Variants in SEPTIN7 observed in about 807,000 individuals in gnomAD.
SEPTIN7 encodes septin-7.
In SEPTIN7, 10 loss-of-function variants were observed where a neutral mutation model predicts 63.3. The observed-to-expected ratio is 0.16, with a 90% CI of 0.10 to 0.27. SEPTIN7 has a LOEUF of 0.27. SEPTIN7 is among the 10% of genes least tolerant of loss of function. The pLI, the probability that SEPTIN7 is intolerant of heterozygous loss-of-function variation, is 1.00. For synonymous variants in SEPTIN7, 131 were observed against 165.3 expected, an observed-to-expected ratio of 0.79 and a Z score of 1.59; for missense variants, 310 against 521.0, an observed-to-expected ratio of 0.59 and a Z score of 3.94.
chr7:35,832,481 G>A (rs1783879922), intron 2 of SEPTIN7, among the ~76,000 whole-genome samples: 1 of 151,918 alleles, frequency 6.6e-6, no homozygotes, highest in Non-Finnish European at 1.5e-5. Context: ...TTGTTATTTT[G>A]CTTTTTTAGT....
intron 3 of SEPTIN7, among the ~76,000 whole-genome samples, chr7:35,835,969 A>G (rs575748185): frequency 6.6e-6 from 1 of 152,264 alleles, no homozygotes; most frequent in African/African-American, 2.4e-5. Context: ...TGCTTTATGG[A>G]TGATATAAGG....
At position 35,891,208 on chromosome 7, in the gene SEPTIN7, G is replaced by A. The variant is rs377508299; in HGVS notation, c.998+415G>A. Reference sequence around the variant, plus strand: ...GCTGTGGTGGTTTCATGTTGGGTTCGAAAAAAGAGATGTGTGAGGAAGCTG... The same window carrying A: ...GCTGTGGTGGTTTCATGTTGGGTTCAAAAAAAGAGATGTGTGAGGAAGCTG... On this transcript the variant is annotated intron_variant, in intron 11 of 13. Coordinates refer to ENST00000350320, the MANE Select transcript of SEPTIN7 (RefSeq NM_001788.6). Among the ~76,000 whole-genome samples, 125 of 152,170 alleles carry A rather than the reference G, an allele frequency of 8.2e-4. 2 individuals carry two copies. In the South Asian group the frequency reaches 0.019, roughly 23 times the overall value.
chr7:35,831,517 A>G (rs570309033), intron 2 of SEPTIN7, 21 bp downstream of exon 2: 14 of 446,430 alleles, frequency 3.1e-5, no homozygotes, highest in South Asian at 2.3e-4. Context: ...TACATAATTT[A>G]TAGAGTTTTT....
intron 12 of SEPTIN7, chr7:35,899,922 T>C (rs1788210607): frequency 6.6e-6 from 1 of 152,156 alleles, no homozygotes; most frequent in Non-Finnish European, 1.5e-5. Context: ...GACAGTAATA[T>C]AAAATAGTTT....
intron 11 of SEPTIN7, among the ~76,000 whole-genome samples, chr7:35,895,054 C>A (rs1243535683): frequency 6.6e-6 from 1 of 152,040 alleles, no homozygotes; most frequent in African/African-American, 2.4e-5. Context: ...AGGCTTTCTT[C>A]ATTTCTTTGT....
intron 3 of SEPTIN7, among the ~76,000 whole-genome samples, chr7:35,854,575 T>C (rs1429554372): frequency 6.6e-6 from 1 of 152,200 alleles, no homozygotes; most frequent in Admixed American, 6.5e-5. Flanking sequence ...AGTACAGCTG[T>C]CTGGAGCTGT....
chr7:35,819,129 A>T (rs1789259870), intron 1 of SEPTIN7, among the ~76,000 whole-genome samples: 1 of 152,044 alleles, frequency 6.6e-6, no homozygotes, highest in South Asian at 2.1e-4. Context: ...TGCATTCAAT[A>T]CATTTTGGTA....
intron 7 of SEPTIN7, 65 bp from the exon 8 acceptor site, chr7:35,882,419 T>C: frequency 8.3e-7 from 1 of 1,206,600 alleles, no homozygotes; most frequent in Non-Finnish European, 1.1e-6. Flanking sequence ...AGGCATGTAA[T>C]GAACATAAGA....
At chr7:35,816,208 CT>C (rs1789049894) in intron 1 of SEPTIN7, among the ~76,000 whole-genome samples, 1 of 152,156 alleles carries the variant, frequency 6.6e-6, no homozygotes, top group African/African-American at 2.4e-5. Context: ...CCAAATGAAA[CT>C]TTGCAGCCAT....
Position 35,884,625 on chromosome 7 carries a change from C to T in SEPTIN7, c.820+638C>T, listed in dbSNP as rs528816685. Among the ~76,000 whole-genome samples the T allele has an allele frequency of 3.2e-4, 49 of 152,282 alleles. No individual in the cohort carries two copies. The Middle Eastern group carries it at 0.014, about 42-fold the overall frequency. The stretch of plus-strand genomic sequence containing the variant: ...AGGCCAGTCACTTTTATCGGAACGT[C>T]AGATGGTCATGGACCCTCAAGAATG... On this transcript the variant is annotated intron_variant, in intron 9 of 13. Transcript: ENST00000350320.
rs138462026 is a variant in SEPTIN7, at chr7:35,812,895, G to A, written c.61+11625G>A. On this transcript the variant is annotated intron_variant, in intron 1 of 13. Coordinates refer to ENST00000350320, the MANE Select transcript of SEPTIN7 (RefSeq NM_001788.6). ...AAAATATTATTTCTTGGGCTCTATC[G>A]GCAAGATTCTAATTCCCTACTTCTA... is the stretch of plus-strand genomic sequence containing the variant. Among the ~76,000 whole-genome samples the A allele has an allele frequency of 2.6e-5, 4 of 152,012 alleles. No homozygotes were observed. In the South Asian group the frequency reaches 6.2e-4, roughly 24 times the overall value.
chr7:35,867,617 C>T (rs184248996), intron 4 of SEPTIN7, among the ~76,000 whole-genome samples: 2,543 of 149,976 alleles, frequency 0.017, 31 homozygotes, highest in Non-Finnish European at 0.025. Flanking sequence ...CCCAAAGTGC[C>T]GGGATTACAG....
intron 11 of SEPTIN7, among the ~76,000 whole-genome samples, chr7:35,892,894 T>C (rs1305021979): frequency 1.3e-5 from 2 of 152,188 alleles, no homozygotes; most frequent in Non-Finnish European, 2.9e-5. Flanking sequence ...GGAGCTAGCA[T>C]AATATTTTAT....
intron 1 of SEPTIN7, among the ~76,000 whole-genome samples, chr7:35,822,699 G>A (rs10214943): frequency 0.52 from 78,959 of 151,998 alleles, 23,657 homozygotes; most frequent in African/African-American, 0.84. Flanking sequence ...CCCCTCTACT[G>A]GGATATTTAT....
chr7:35,894,733 A>G (rs1787859255), intron 11 of SEPTIN7, among the ~76,000 whole-genome samples: 1 of 152,188 alleles, frequency 6.6e-6, no homozygotes, highest in Admixed American at 6.5e-5. Context: ...CCTACTAACC[A>G]CTGGAGCAAA....
intron 4 of SEPTIN7, among the ~76,000 whole-genome samples, chr7:35,864,365 C>T (rs1198775453): frequency 6.6e-6 from 1 of 152,094 alleles, no homozygotes; most frequent in African/African-American, 2.4e-5. Flanking sequence ...ACAGGTGATG[C>T]TGATGCTGCT....
intron 4 of SEPTIN7, among the ~76,000 whole-genome samples, chr7:35,865,888 A>G (rs1204199819): frequency 6.6e-6 from 1 of 152,206 alleles, no homozygotes; most frequent in Non-Finnish European, 1.5e-5. Flanking sequence ...CCTAGCTTCA[A>G]AATAAATTGT....
chr7:35,814,986 A>G (rs984468384), intron 1 of SEPTIN7, among the ~76,000 whole-genome samples: 1 of 151,096 alleles, frequency 6.6e-6, no homozygotes, highest in African/African-American at 2.4e-5. Flanking sequence ...AAAAAAAAAA[A>G]AAAAAAAAAA....
intron 3 of SEPTIN7, 89 bp from the exon 4 acceptor site, chr7:35,863,463 T>C (rs1785624224): frequency 1.4e-6 from 1 of 703,366 alleles, no homozygotes; most frequent in Non-Finnish European, 2.4e-6. Context: ...AGTACTTGCA[T>C]AAGGCAAGTT....
Sources: gnomAD v4.1 joint callset for allele counts (sites outside exome capture counted in the v4.1 genomes callset) on GRCh38, gnomAD v4.1.1 for gene constraint, MANE v1.5 for transcripts, NCBI Gene and HGNC (gene_info 2026-07-23, HGNC 2026-07-21) for gene names.